Variants in GABRB1 observed in about 807,000 individuals in gnomAD.
GABRB1 encodes the protein gamma-aminobutyric acid type A receptor subunit beta1.
In GABRB1, 17 loss-of-function variants were observed where a neutral mutation model predicts 51.6. The ratio of observed to expected loss-of-function variants is 0.33; its 90% CI spans 0.23 to 0.49. GABRB1 has a LOEUF of 0.49. Ranked by LOEUF, GABRB1 falls within the 20% of genes least tolerant of loss-of-function variation. The probability of loss-of-function intolerance (pLI) is 0.99; values close to 1 mark genes in which losing one functional copy is unlikely to be tolerated. For synonymous variants in GABRB1, 247 were observed against 218.9 expected (o/e 1.13, Z -1.14); for missense variants, 410 against 600.6 (o/e 0.68, Z 3.32).
rs992075337 is a variant in GABRB1, at chr4:47,276,547, T to C, written c.462-43580T>C. Among the ~76,000 whole-genome samples the C allele has an allele frequency of 1.2e-4, 19 of 152,140 alleles. 1 individual carries two copies. Among genetic ancestry groups the C allele is most frequent in the African/African-American group, 4.1e-4 (17 of 41,442 alleles). ...AATTTGTATAATGCATTATTCCTTT[T>C]TATACACTTTCACTTTATTTTATCC... On this transcript the variant is annotated intron_variant, in intron 4 of 8. Coordinates refer to ENST00000295454, the MANE Select transcript of GABRB1 (RefSeq NM_000812.4).
At position 47,403,563 on chromosome 4, in the gene GABRB1, G is replaced by A. The variant is rs138912086; in HGVS notation, c.687G>A (p.Ala229=). 3.3e-4 allele frequency: 537 copies of A among 1,613,784 alleles called. 1 individual carries two copies. The African/African-American group carries it at 5.2e-3, about 16-fold the overall frequency. ...VSKKVEFTTG[A]YPRLSLSFRL... ...GTCTTTTGTTTCTCAACTCAGGAGC[G>A]TATCCACGACTGTCACTAAGTTTTC... The change falls in exon 7 of 9, where the codon GCG becomes GCA. Residue 229 remains alanine, a synonymous_variant. Transcript: ENST00000295454.
At chr4:47,092,546 G>GA (rs1445718073) in intron 3 of GABRB1, among the ~76,000 whole-genome samples, 1 of 151,416 alleles carries the variant, frequency 6.6e-6, no homozygotes, top group Non-Finnish European at 1.5e-5. Context: ...ATAAATAAAG[G>GA]AAAGAAGGAA....
chr4:47,081,478 C>A (rs1475939886), intron 3 of GABRB1, among the ~76,000 whole-genome samples: 2 of 152,282 alleles, frequency 1.3e-5, no homozygotes, highest in Non-Finnish European at 2.9e-5. Flanking sequence ...TTTAGTATTA[C>A]AACTTCTTTT....
intron 4 of GABRB1, among the ~76,000 whole-genome samples, chr4:47,301,132 G>A (rs1724243210): frequency 6.6e-6 from 1 of 151,994 alleles, no homozygotes; most frequent in Non-Finnish European, 1.5e-5. Flanking sequence ...GCAAACTTAG[G>A]TTATGTTGAC....
intron 4 of GABRB1, among the ~76,000 whole-genome samples, chr4:47,166,334 C>G (rs912094447): frequency 5.9e-5 from 9 of 152,076 alleles, no homozygotes; most frequent in African/African-American, 2.2e-4. Flanking sequence ...TCCCTGTCAT[C>G]CACTTCTGCC....
intron 1 of GABRB1, among the ~76,000 whole-genome samples, chr4:47,023,027 A>G (rs976744635): frequency 1.3e-5 from 2 of 152,124 alleles, no homozygotes; most frequent in African/African-American, 4.8e-5. Flanking sequence ...TTGCAACGAC[A>G]TGGATGGCAC....
chr4:47,157,461 T>C (rs1717756337), intron 3 of GABRB1, among the ~76,000 whole-genome samples: 1 of 152,264 alleles, frequency 6.6e-6, no homozygotes, highest in African/African-American at 2.4e-5. Flanking sequence ...TATATTCAGA[T>C]GTCACTGTTA....
At chr4:47,369,128 T>A (rs1727096190) in intron 5 of GABRB1, among the ~76,000 whole-genome samples, 1 of 151,358 alleles carries the variant, frequency 6.6e-6, no homozygotes, top group Non-Finnish European at 1.5e-5. Flanking sequence ...AATTTTTTTT[T>A]AAAGTTGCTC....
At chr4:47,063,047 A>G (rs1225565152) in intron 3 of GABRB1, among the ~76,000 whole-genome samples, 1 of 152,178 alleles carries the variant, frequency 6.6e-6, no homozygotes, top group Non-Finnish European at 1.5e-5. Flanking sequence ...AAAACCGTTT[A>G]TGGCTTTCTC....
chr4:47,288,405 G>A (rs181093169), intron 4 of GABRB1, among the ~76,000 whole-genome samples: 57 of 152,184 alleles, frequency 3.7e-4, no homozygotes, highest in Admixed American at 8.5e-4. Flanking sequence ...TGGGACTACA[G>A]GTACCTGCCA....
intron 5 of GABRB1, among the ~76,000 whole-genome samples, chr4:47,328,743 A>G (rs1725348554): frequency 6.6e-6 from 1 of 152,018 alleles, no homozygotes; most frequent in Non-Finnish European, 1.5e-5. Flanking sequence ...CAGGAAGGGG[A>G]ACATCATACA....
At chr4:47,104,605 G>A (rs1049600865) in intron 3 of GABRB1, among the ~76,000 whole-genome samples, 1 of 151,202 alleles carries the variant, frequency 6.6e-6, no homozygotes, top group Non-Finnish European at 1.5e-5. Flanking sequence ...TGGGTATTCT[G>A]TTCTTTTTTG....
At chr4:47,136,492 G>C (rs756678016) in intron 3 of GABRB1, among the ~76,000 whole-genome samples, 1 of 148,112 alleles carries the variant, frequency 6.8e-6, no homozygotes, top group Non-Finnish European at 1.5e-5. Context: ...GAAACAGGGG[G>C]ATGTCTCTCT....
chr4:47,143,446 A>C (rs1158463378), intron 3 of GABRB1, among the ~76,000 whole-genome samples: 3 of 151,842 alleles, frequency 2.0e-5, no homozygotes, highest in Non-Finnish European at 4.4e-5. Flanking sequence ...TGACAGGAGG[A>C]ACAGGCACAC....
intron 4 of GABRB1, among the ~76,000 whole-genome samples, chr4:47,168,035 T>G (rs1002983232): frequency 1.3e-5 from 2 of 152,204 alleles, no homozygotes; most frequent in Non-Finnish European, 2.9e-5. Flanking sequence ...TGAGTGTGTA[T>G]GTAGGTCTGT....
chr4:47,018,097 C>G (rs988562432), intron 1 of GABRB1, among the ~76,000 whole-genome samples: 2 of 151,468 alleles, frequency 1.3e-5, no homozygotes, highest in Non-Finnish European at 2.9e-5. Flanking sequence ...CCCTCTTCCT[C>G]CTCTGCCTCC....
chr4:47,006,025 A>G (rs1461300195), intron 1 of GABRB1, among the ~76,000 whole-genome samples: 3 of 151,422 alleles, frequency 2.0e-5, no homozygotes, highest in Non-Finnish European at 4.4e-5. Flanking sequence ...TCTAATAAAG[A>G]AGCAATAATT....
intron 5 of GABRB1, among the ~76,000 whole-genome samples, chr4:47,324,384 C>T (rs1210922913): frequency 6.6e-6 from 1 of 152,142 alleles, no homozygotes; most frequent in Non-Finnish European, 1.5e-5. Flanking sequence ...GATCCTCAAT[C>T]CTGCCCTGTC....
intron 5 of GABRB1, among the ~76,000 whole-genome samples, chr4:47,333,060 A>C (rs2109977336): frequency 6.8e-6 from 1 of 147,968 alleles, no homozygotes; most frequent in Middle Eastern, 3.5e-3. Context: ...CAAGATGTTA[A>C]TCTATTTTTA....
Sources: gnomAD v4.1 joint callset for allele counts (sites outside exome capture counted in the v4.1 genomes callset) on GRCh38, gnomAD v4.1.1 for gene constraint, MANE v1.5 for transcripts, NCBI Gene and HGNC (gene_info 2026-07-23, HGNC 2026-07-21) for gene names.